The following HGS variants were observed in gnomAD, a reference collection of about 807,000 sequenced individuals.
HGS encodes the protein hepatocyte growth factor-regulated tyrosine kinase substrate, also known as human growth factor-regulated tyrosine kinase substrate.
A neutral mutation model predicts 109.7 loss-of-function variants in HGS; 63 were observed. The observed-to-expected ratio is 0.57, with a 90% CI of 0.47 to 0.71. The LOEUF is 0.71. HGS is among the 30% of genes least tolerant of loss of function. The pLI, the probability that HGS is intolerant of heterozygous loss-of-function variation, is 0.00. For synonymous variants in HGS, 546 were observed against 437.3 expected, an observed-to-expected ratio of 1.25 and a Z score of -3.10; for missense variants, 995 against 1,068.3, an observed-to-expected ratio of 0.93 and a Z score of 0.96.
rs868421529 is a variant in HGS, at chr17:81,691,343, A to G, written c.538-104A>G. 6.5e-5 allele frequency: 93 copies of G among 1,438,884 alleles called. 1 individual carries two copies. In the Middle Eastern group the frequency reaches 4.3e-3, roughly 66 times the overall value. The allele number at this position is 1,438,884 out of a possible 1,614,324, so 89.1% of individuals were successfully genotyped here. A position where few individuals can be genotyped will look rare whatever the true frequency, so the allele number is the denominator to read the frequency against. On this transcript the variant is annotated intron_variant, in intron 7 of 21. Coordinates refer to ENST00000329138, the MANE Select transcript of HGS (RefSeq NM_004712.5). This position sits in a 1 kb window ranked among gnomAD's most constrained non-coding sequence, Gnocchi z 5.3. ...TTCTGCTTGTCCCTTGCCTTCCCCCACCTGTGAGGCCCAGCTTCGGCATCG... is the reference window on the plus strand; with the variant it reads ...TTCTGCTTGTCCCTTGCCTTCCCCCGCCTGTGAGGCCCAGCTTCGGCATCG...
intron 4 of HGS, 33 bp downstream of exon 4, chr17:81,687,128 C>G (rs1355663928): frequency 1.3e-6 from 2 of 1,483,624 alleles, no homozygotes; most frequent in Admixed American, 3.5e-5. Flanking sequence ...GGTGGCCACC[C>G]AGGCTGGCAC....
At chr17:81,687,492 A>T (rs1392605325) in intron 4 of HGS, among the ~76,000 whole-genome samples, 1 of 152,146 alleles carries the variant, frequency 6.6e-6, no homozygotes, top group African/African-American at 2.4e-5. Flanking sequence ...CAGGCTGGCC[A>T]CATCCCACAG....
intron 1 of HGS, 151 bp downstream of exon 1, chr17:81,684,254 C>G: frequency 4.7e-6 from 3 of 632,810 alleles, no homozygotes; most frequent in Non-Finnish European, 6.9e-6. Flanking sequence ...TCGGAGCCGC[C>G]GATCCTGGAC....
At chr17:81,697,632 G>T (rs2037175660) in intron 18 of HGS, 1 of 152,186 alleles carries the variant, frequency 6.6e-6, no homozygotes, top group African/African-American at 2.4e-5. Context: ...ATGTCTCTTG[G>T]GGGAGGCCTT....
intron 3 of HGS, 62 bp from the exon 4 acceptor site, chr17:81,686,941 G>C (rs933718046): frequency 7.2e-7 from 1 of 1,385,374 alleles, no homozygotes; most frequent in African/African-American, 1.4e-5. Context: ...GGGTCTGTCC[G>C]GGAGGAGGAG....
intron 9 of HGS, 24 bp from the exon 10 acceptor site, chr17:81,693,630 C>G (rs1568215919): frequency 1.3e-6 from 2 of 1,549,580 alleles, no homozygotes; most frequent in Non-Finnish European, 1.8e-6. Context: ...GGCGCCCCCC[C>G]TCACCCTCCC....
chr17:81,686,400 CCG>C lies in HGS; in HGVS notation c.198+14_198+15del. On this transcript the variant is annotated intron_variant, in intron 3 of 21. Coordinates refer to ENST00000329138, the MANE Select transcript of HGS (RefSeq NM_004712.5). ...GTATGCCCTGGAGGTAAGCAGACCC[CCG>C]TGCCTCAGTGGCCCCCAGGGTCCCT... 6.2e-7 allele frequency: 1 copy of C among 1,610,948 alleles called. No homozygotes were observed. The highest frequency in any genetic ancestry group is 2.2e-5 in the East Asian group (1 of 44,870).
intron 18 of HGS, among the ~76,000 whole-genome samples, chr17:81,699,846 G>C (rs952623582): frequency 6.6e-6 from 1 of 151,826 alleles, no homozygotes; most frequent in African/African-American, 2.4e-5. Context: ...AGGCCGAGGC[G>C]GGTGGATCAC....
intron 18 of HGS, chr17:81,697,901 T>G (rs1218220555): frequency 6.6e-6 from 1 of 152,126 alleles, no homozygotes; most frequent in African/African-American, 2.4e-5. Flanking sequence ...TGCAGTGCCA[T>G]GATCATGGTT....
rs58150169 is a variant in HGS at position 81,701,782 on chromosome 17, C to G, written c.*164C>G. On this transcript the variant is annotated 3_prime_UTR_variant, in exon 22 of 22. Transcript: ENST00000329138. Reference sequence around the variant, plus strand: ...CCAAGCCCACCTCCCTTGTCCTCAGCCTACTGCAGTCCCTGAGTTAGTCTC... The same window carrying G: ...CCAAGCCCACCTCCCTTGTCCTCAGGCTACTGCAGTCCCTGAGTTAGTCTC... 4.0e-6 allele frequency: 4 copies of G among 1,009,576 alleles called. No homozygotes were observed. The highest frequency in any genetic ancestry group is 4.1e-6 in the Non-Finnish European group (3 of 724,774). 62.5% of individuals were successfully genotyped at this position (1,009,576 alleles called of 1,614,324 possible).
At position 81,700,491 on chromosome 17, in the gene HGS, T is replaced by C. The variant is rs780656344; in HGVS notation, c.1907T>C (p.Met636Thr). Residue 636 changes from methionine to threonine, a missense_variant, in exon 19 of 22, where the codon ATG (methionine) becomes ACG (threonine). Physicochemically the swap from Met to Thr is moderately conservative, Grantham distance 81. Transcript: ENST00000329138. ...AADPSMVSAYMYPAGATGAQA... is the reference protein window; with the variant it reads ...AADPSMVSAYTYPAGATGAQA... ...GATCCCAGCATGGTGAGTGCCTACA[T>C]GTACCCAGCAGGGGCCACTGGGGCG... is the stretch of plus-strand genomic sequence containing the variant. 4.4e-6 allele frequency: 7 copies of C among 1,597,730 alleles called. No individual in the cohort carries two copies. The highest frequency in any genetic ancestry group is 3.5e-5 in the Admixed American group (2 of 57,416).
At chr17:81,684,185 C>T (rs1252996051) in intron 1 of HGS, 82 bp downstream of exon 1, 2 of 1,258,930 alleles carry the variant, frequency 1.6e-6, no homozygotes. Flanking sequence ...CCCCGAGGGC[C>T]CGAGGGGCGC....
At chr17:81,695,567 G>A (rs960152919) in intron 14 of HGS, 1 of 603,988 alleles carries the variant, frequency 1.7e-6, no homozygotes, top group African/African-American at 1.9e-5. Flanking sequence ...GCTGGCAGTG[G>A]GGCCCTGAGC....
intron 4 of HGS, among the ~76,000 whole-genome samples, chr17:81,687,504 CAG>C: frequency 6.6e-6 from 1 of 152,172 alleles, no homozygotes; most frequent in East Asian, 1.9e-4. Context: ...ATCCCACAGG[CAG>C]GGGCCTGGGA....
intron 14 of HGS, 26 bp from the exon 15 acceptor site, chr17:81,695,760 C>T (rs976650714): frequency 3.7e-6 from 6 of 1,611,096 alleles, no homozygotes; most frequent in Non-Finnish European, 5.1e-6. Flanking sequence ...TGGCCGCACT[C>T]ATCCAGAACC....
chr17:81,695,901 G>T lies in HGS; in HGVS notation c.1295G>T (p.Ser432Ile). ...RMKSNHMRGR[S>I]ITNDSAVLSL... ...AAGAGTAACCACATGCGGGGCCGCA[G>T]CATCACCAATGACTCGGCCGTGCTC... The change falls in exon 15 of 22, where the codon AGC (serine) becomes ATC (isoleucine). Residue 432 changes from serine to isoleucine, a missense_variant. Ser to Ile is a moderately radical substitution (Grantham distance 142). Transcript: ENST00000329138. The T allele has an allele frequency of 6.2e-7, 1 of 1,611,660 alleles. No homozygotes were observed. Among genetic ancestry groups the T allele is most frequent in the Non-Finnish European group, 8.5e-7 (1 of 1,178,558 alleles).
At chr17:81,690,787 G>C (rs777213458) in intron 7 of HGS, 45 bp downstream of exon 7, 1 of 1,563,322 alleles carries the variant, frequency 6.4e-7, no homozygotes, top group South Asian at 1.1e-5. Flanking sequence ...CCAGACACCA[G>C]GTCCCCTGCC....
chr17:81,697,863 TAG>T (rs954501735), intron 18 of HGS: 1 of 152,150 alleles, frequency 6.6e-6, no homozygotes, highest in African/African-American at 2.4e-5. Context: ...TCTTTATTTT[TAG>T]AGTCTCGCTG....
Position 81,695,560 on chromosome 17 carries a change from G to A in HGS, c.1180-226G>A. 4 of 603,080 alleles carry A rather than the reference G, an allele frequency of 6.6e-6. No individual in the cohort carries two copies. The South Asian group carries it at 7.9e-5, about 12-fold the overall frequency. The allele number at this position is 603,080 out of a possible 1,614,324, so 37.4% of individuals were successfully genotyped here. A position where few individuals can be genotyped will look rare whatever the true frequency, so the allele number is the denominator to read the frequency against. Reference sequence around the variant, plus strand: ...AGCACAGGTCCCTGGAGAGGGAGCTGGCAGTGGGGCCCTGAGCCAGCTCCG... The same window carrying A: ...AGCACAGGTCCCTGGAGAGGGAGCTAGCAGTGGGGCCCTGAGCCAGCTCCG... On this transcript the variant is annotated intron_variant, in intron 14 of 21. Coordinates refer to ENST00000329138, the MANE Select transcript of HGS (RefSeq NM_004712.5).
Sources: allele counts gnomAD v4.1 joint callset (sites outside exome capture counted in the v4.1 genomes callset), GRCh38; gene constraint gnomAD v4.1.1; non-coding constraint Gnocchi (gnomAD v3.1); transcripts MANE v1.5; gene names NCBI Gene and HGNC (gene_info 2026-07-23, HGNC 2026-07-21).